CHRNA4: variants seen among roughly 807,000 people sequenced by gnomAD.
CHRNA4 encodes the protein cholinergic receptor nicotinic alpha 4 subunit, also known as neuronal acetylcholine receptor subunit alpha-4.
CHRNA4 carries 28 observed loss-of-function variants against 48.9 expected under a neutral mutation model. That is an observed-to-expected ratio of 0.57 (90% CI 0.42 to 0.79). CHRNA4 has a LOEUF of 0.79. Among genes scored for constraint, CHRNA4 ranks in the 30% least tolerant of loss-of-function variants. The probability of loss-of-function intolerance (pLI) is 0.00; values close to 1 mark genes in which losing one functional copy is unlikely to be tolerated. For missense variants in CHRNA4, 859 were observed against 898.4 expected (o/e 0.96, Z 0.56); for synonymous variants, 425 against 402.3 (o/e 1.06, Z -0.68).
intron 4 of CHRNA4, among the ~76,000 whole-genome samples, chr20:63,353,553 AG>A (rs2068651301): frequency 1.5e-4 from 2 of 13,184 alleles, no homozygotes; most frequent in Non-Finnish European, 2.8e-4. Flanking sequence ...ATGGTCCTGG[AG>A]GGGCTGTGGT....
At position 63,351,125 on chromosome 20, in the gene CHRNA4, A is replaced by G. The variant is rs867754347; in HGVS notation, c.384-98T>C. The G allele has an allele frequency of 1.2e-3, 1,382 of 1,158,094 alleles. 21 individuals carry two copies. The African/African-American group carries it at 0.022, about 18-fold the overall frequency. 71.7% of individuals were successfully genotyped at this position (1,158,094 alleles called of 1,614,324 possible). A position where few individuals can be genotyped will look rare whatever the true frequency, so the allele number is the denominator to read the frequency against. On this transcript the variant is annotated intron_variant, in intron 4 of 5. Coordinates refer to ENST00000370263, the MANE Select transcript of CHRNA4 (RefSeq NM_000744.7). The stretch of plus-strand genomic sequence containing the variant: ...CACCCATGCCCACGTCCACACCCAC[A>G]CCCACATCCACGCCCACATCCACGT...
chr20:63,359,997 T>G, intron 1 of CHRNA4: 1 of 396,066 alleles, frequency 2.5e-6, no homozygotes. Context: ...TAATTGTGAT[T>G]TCCTCGGGGA....
At chr20:63,358,516 CT>C (rs2068752802) in intron 2 of CHRNA4, among the ~76,000 whole-genome samples, 1 of 152,370 alleles carries the variant, frequency 6.6e-6, no homozygotes, top group African/African-American at 2.4e-5. Flanking sequence ...ATACAAATGC[CT>C]CCCCATGTGG....
rs1276252049 is a variant in CHRNA4, at chr20:63,346,009, T to C, written c.*729A>G. ...GACTCGCTGGGGCTGGGTGTTCCTG[T>C]CCCCCGCGGAGGGCCTGCGCAGGGG... On this transcript the variant is annotated 3_prime_UTR_variant, in exon 6 of 6. Transcript: ENST00000370263. The C allele has an allele frequency of 2.2e-6, 1 of 453,706 alleles. No individual in the cohort carries two copies. The highest frequency in any genetic ancestry group is 2.0e-5 in the African/African-American group (1 of 49,928). The allele number at this position is 453,706 out of a possible 1,614,324, so 28.1% of individuals were successfully genotyped here.
chr20:63,358,186 G>A (rs1601492711), intron 2 of CHRNA4, among the ~76,000 whole-genome samples: 2 of 152,170 alleles, frequency 1.3e-5, no homozygotes, highest in East Asian at 3.9e-4. Context: ...AGGTCTGGGT[G>A]GCCAACCCTG....
At chr20:63,352,984 T>C (rs1350057892) in intron 4 of CHRNA4, among the ~76,000 whole-genome samples, 2 of 150,668 alleles carry the variant, frequency 1.3e-5, no homozygotes, top group African/African-American at 4.8e-5. Context: ...ACTCGCACCA[T>C]AAAGCTGCAC....
chr20:63,351,082 C>T (rs1057276028), intron 4 of CHRNA4, 55 bp from the exon 5 acceptor site: 132 of 1,492,324 alleles, frequency 8.8e-5, no homozygotes, highest in Non-Finnish European at 1.1e-4. Context: ...CCCACGTCCA[C>T]ACCCACGCCC....
At position 63,345,152 on chromosome 20, in the gene CHRNA4, T is replaced by C. The variant is rs1377025321; in HGVS notation, c.*1586A>G. On this transcript the variant is annotated 3_prime_UTR_variant, in exon 6 of 6. Coordinates refer to ENST00000370263, the MANE Select transcript of CHRNA4 (RefSeq NM_000744.7). This position sits in a 1 kb window ranked among gnomAD's most constrained non-coding sequence, Gnocchi z 5.4. Reference sequence around the variant, plus strand: ...ATGCCGGGTTCCTAACCTCAATTATTCATTCTGCTCTCAGGCACCTCCTGA... The same window carrying C: ...ATGCCGGGTTCCTAACCTCAATTATCCATTCTGCTCTCAGGCACCTCCTGA... 6.6e-6 allele frequency: 3 copies of C among 453,488 alleles called. No homozygotes were observed. Among genetic ancestry groups the C allele is most frequent in the Admixed American group, 4.7e-5 (2 of 42,534 alleles). 28.1% of individuals were successfully genotyped at this position (453,488 alleles called of 1,614,324 possible).
intron 4 of CHRNA4, chr20:63,355,749 G>A: frequency 2.5e-6 from 2 of 800,022 alleles, no homozygotes; most frequent in Non-Finnish European, 3.9e-6. Context: ...GATGCCCTCA[G>A]CCTCTTTGCT....
chr20:63,360,926 CGAGCG>C (rs2068809145), intron 1 of CHRNA4, 159 bp downstream of exon 1: 1 of 536,888 alleles, frequency 1.9e-6, no homozygotes, highest in Non-Finnish European at 3.0e-6. Context: ...AGCCCGGGTG[CGAGCG>C]CAGCCTGTGC....
At chr20:63,347,212 G>A (rs955793694) in intron 5 of CHRNA4, among the ~76,000 whole-genome samples, 11 of 152,248 alleles carry the variant, frequency 7.2e-5, no homozygotes, top group Non-Finnish European at 1.5e-5. Context: ...GGGGCACGGG[G>A]GAGGGGGGCT....
chr20:63,351,814 G>C (rs960735315), intron 4 of CHRNA4, among the ~76,000 whole-genome samples: 1 of 152,226 alleles, frequency 6.6e-6, no homozygotes, highest in Non-Finnish European at 1.5e-5. Flanking sequence ...GCAATGGAGC[G>C]AGGGGCTGAT....
At chr20:63,348,799 C>T (rs900012282) in intron 5 of CHRNA4, among the ~76,000 whole-genome samples, 9 of 152,034 alleles carry the variant, frequency 5.9e-5, no homozygotes, top group African/African-American at 2.2e-4. Context: ...TGTGCCTCCC[C>T]CCATGTGACA....
Position 63,350,056 on chromosome 20 carries a change from G to A in CHRNA4, c.1355C>T (p.Pro452Leu), listed in dbSNP as rs2068562170. The A allele has an allele frequency of 4.0e-6, 6 of 1,512,564 alleles. No individual in the cohort carries two copies. The highest frequency in any genetic ancestry group is 5.3e-6 in the Non-Finnish European group (6 of 1,129,268). The allele number at this position is 1,512,564 out of a possible 1,614,324, so 93.7% of individuals were successfully genotyped here. A position where few individuals can be genotyped will look rare whatever the true frequency, so the allele number is the denominator to read the frequency against. The change falls in exon 5 of 6, where the codon CCC (proline) becomes CTC (leucine). Residue 452 changes from proline (P) to leucine (L), a missense_variant. Physicochemically the swap from Pro to Leu is moderately conservative, Grantham distance 98. This residue lies in a region of CHRNA4 where 478 missense variants were observed against 455.4 expected (regional missense o/e 1.05). Transcript: ENST00000370263. ...PHPSPGPCRPPHGTQAPGLAK... is the reference protein window; with the variant it reads ...PHPSPGPCRPLHGTQAPGLAK... ...CAGCCCTGGTGCCTGGGTGCCGTGG[G>A]GCGGGCGGCAGGGTCCAGGCGAGGG... is the stretch of plus-strand genomic sequence containing the variant.
Position 63,346,243 on chromosome 20 carries a change from AC to A in CHRNA4, c.*494del, listed in dbSNP as rs1278518261. 2.4e-5 allele frequency: 11 copies of A among 453,204 alleles called. No homozygotes were observed. Among genetic ancestry groups the A allele is most frequent in the Non-Finnish European group, 4.9e-5 (11 of 226,478 alleles). 28.1% of individuals were successfully genotyped at this position (453,204 alleles called of 1,614,324 possible). On this transcript the variant is annotated 3_prime_UTR_variant, in exon 6 of 6. Transcript: ENST00000370263. ...CTCATGGGGCCCGAGAGGCTCAAGG[AC>A]CCTGGGGGAGAAGTTGAAGCCCACA...
Position 63,343,349 on chromosome 20 carries a change from G to A in CHRNA4, c.*3389C>T, listed in dbSNP as rs1317970780. 4 of 453,520 alleles carry A rather than the reference G, an allele frequency of 8.8e-6. No individual in the cohort carries two copies. The highest frequency in any genetic ancestry group is 4.0e-5 in the African/African-American group (2 of 49,976). 28.1% of individuals were successfully genotyped at this position (453,520 alleles called of 1,614,324 possible). A position where few individuals can be genotyped will look rare whatever the true frequency, so the allele number is the denominator to read the frequency against. ...GCTCGGCGGGCCACACGGTCGGCGGGGCTTGGTCCATGGGGCTGGCCGGGC... is the reference window on the plus strand; with the variant it reads ...GCTCGGCGGGCCACACGGTCGGCGGAGCTTGGTCCATGGGGCTGGCCGGGC... On this transcript the variant is annotated 3_prime_UTR_variant, in exon 6 of 6. Coordinates refer to ENST00000370263, the MANE Select transcript of CHRNA4 (RefSeq NM_000744.7).
chr20:63,360,103 C>T (rs925363559), intron 1 of CHRNA4: 7 of 271,790 alleles, frequency 2.6e-5, no homozygotes, highest in Admixed American at 1.4e-4. Flanking sequence ...CTTTGGGTCT[C>T]CTGTCACACT....
rs1419187721 is a variant in CHRNA4, at chr20:63,344,605, A to G, written c.*2133T>C. 4.4e-6 allele frequency: 2 copies of G among 453,444 alleles called. No homozygotes were observed. Among genetic ancestry groups the G allele is most frequent in the Non-Finnish European group, 4.4e-6 (1 of 226,510 alleles). The allele number at this position is 453,444 out of a possible 1,614,324, so 28.1% of individuals were successfully genotyped here. ...CACTCCGCAGTCACTCCTGACCCAG[A>G]AAAGAACAACCACAGCTGGGCCCAG... On this transcript the variant is annotated 3_prime_UTR_variant, in exon 6 of 6. Transcript: ENST00000370263. This position sits in a 1 kb window ranked among gnomAD's most constrained non-coding sequence, Gnocchi z 4.5.
chr20:63,344,418 T>A lies in CHRNA4; in HGVS notation c.*2320A>T. The stretch of plus-strand genomic sequence containing the variant: ...TAATAAAAACAGCACTGGACGCAAA[T>A]ACGCCAACATTGTTGTCAAGGTTAA... On this transcript the variant is annotated 3_prime_UTR_variant, in exon 6 of 6. Transcript: ENST00000370263. The surrounding 1 kb of genome is among the most constrained non-coding windows in gnomAD (Gnocchi z 4.5). 2.2e-6 allele frequency: 1 copy of A among 453,516 alleles called. No individual in the cohort carries two copies. The highest frequency in any genetic ancestry group is 4.4e-6 in the Non-Finnish European group (1 of 226,736). 28.1% of individuals were successfully genotyped at this position (453,516 alleles called of 1,614,324 possible). A position where few individuals can be genotyped will look rare whatever the true frequency, so the allele number is the denominator to read the frequency against.
Sources: gnomAD v4.1 joint callset for allele counts (sites outside exome capture counted in the v4.1 genomes callset) on GRCh38, gnomAD v4.1.1 for gene constraint, gnomAD v4.1.1 regional missense constraint, Gnocchi (gnomAD v3.1) non-coding constraint, MANE v1.5 for transcripts, NCBI Gene and HGNC (gene_info 2026-07-23, HGNC 2026-07-21) for gene names.